Variants in PPP3CC observed in about 807,000 individuals in gnomAD.
The protein encoded by PPP3CC is serine/threonine-protein phosphatase 2B catalytic subunit gamma isoform.
PPP3CC carries 35 observed loss-of-function variants against 60.3 expected under a neutral mutation model. The ratio of observed to expected loss-of-function variants is 0.58; its 90% confidence interval spans 0.44 to 0.77. The LOEUF (loss-of-function observed/expected upper bound fraction) is 0.77. Ranked by LOEUF, PPP3CC falls within the 30% of genes least tolerant of loss-of-function variation. PPP3CC has a pLI of 0.00. For synonymous variants in PPP3CC, 206 were observed against 224.3 expected, an observed-to-expected ratio of 0.92 and a Z score of 0.73; for missense variants, 570 against 628.9, an observed-to-expected ratio of 0.91 and a Z score of 1.00.
intron 1 of PPP3CC, among the ~76,000 whole-genome samples, chr8:22,470,285 C>T (rs923683524): frequency 3.3e-5 from 5 of 151,882 alleles, no homozygotes; most frequent in African/African-American, 1.2e-4. Flanking sequence ...CGATGCCTGG[C>T]CCTGCAGTAT....
intron 8 of PPP3CC, among the ~76,000 whole-genome samples, chr8:22,525,518 CT>C: frequency 1.1e-5 from 1 of 91,546 alleles, no homozygotes; most frequent in African/African-American, 4.5e-5. Flanking sequence ...TTCTTTCTTT[CT>C]TTCTTTCTTT....
intron 12 of PPP3CC, among the ~76,000 whole-genome samples, chr8:22,534,521 G>A (rs758318971): frequency 1.6e-4 from 24 of 152,062 alleles, no homozygotes; most frequent in Non-Finnish European, 1.2e-4. Context: ...TGATTCAAGC[G>A]CTTTAGAAAA....
At chr8:22,479,807 C>T (rs371604054) in intron 3 of PPP3CC, among the ~76,000 whole-genome samples, 14 of 150,690 alleles carry the variant, frequency 9.3e-5, no homozygotes, top group Non-Finnish European at 1.5e-4. Flanking sequence ...ACAGACTGAG[C>T]GGGCTTTGGT....
chr8:22,510,520 T>C (rs1839055859), intron 4 of PPP3CC, among the ~76,000 whole-genome samples: 1 of 152,198 alleles, frequency 6.6e-6, no homozygotes, highest in African/African-American at 2.4e-5. Context: ...TTGTCATCCA[T>C]ATACTTAAAA....
At chr8:22,499,405 G>A (rs1252949948) in intron 4 of PPP3CC, among the ~76,000 whole-genome samples, 1 of 149,170 alleles carries the variant, frequency 6.7e-6, no homozygotes, top group Non-Finnish European at 1.5e-5. Flanking sequence ...CGCCACTGCA[G>A]TCCGCAGTCC....
intron 1 of PPP3CC, among the ~76,000 whole-genome samples, chr8:22,461,879 A>C (rs1050971772): frequency 6.6e-6 from 1 of 152,144 alleles, no homozygotes; most frequent in Non-Finnish European, 1.5e-5. Flanking sequence ...TAAGTCCCTG[A>C]GGATTTACTG....
intron 3 of PPP3CC, among the ~76,000 whole-genome samples, chr8:22,496,468 T>C (rs911276876): frequency 3.4e-5 from 5 of 148,842 alleles, no homozygotes; most frequent in African/African-American, 1.2e-4. Flanking sequence ...ATAAGTTAAA[T>C]TAGGGAGAAC....
intron 3 of PPP3CC, among the ~76,000 whole-genome samples, chr8:22,489,034 A>C (rs2132493522): frequency 6.6e-6 from 1 of 151,340 alleles, no homozygotes; most frequent in South Asian, 2.1e-4. Context: ...AAGTTATTGG[A>C]GGAATTTTTT....
chr8:22,485,717 A>G (rs1417416200), intron 3 of PPP3CC, among the ~76,000 whole-genome samples: 3 of 152,162 alleles, frequency 2.0e-5, no homozygotes, highest in African/African-American at 7.2e-5. Context: ...TGAAATTAAG[A>G]TGTTTTATTT....
At chr8:22,484,367 C>T (rs1309094216) in intron 3 of PPP3CC, among the ~76,000 whole-genome samples, 4 of 151,998 alleles carry the variant, frequency 2.6e-5, no homozygotes, top group Non-Finnish European at 5.9e-5. Context: ...AGCATATCTA[C>T]ACAGATATAC....
chr8:22,499,564 CTT>C (rs1476517524), intron 4 of PPP3CC, among the ~76,000 whole-genome samples: 1 of 152,204 alleles, frequency 6.6e-6, no homozygotes, highest in East Asian at 1.9e-4. Context: ...CTACACCAGC[CTT>C]GGCAATACAG....
chr8:22,458,666 C>A (rs1837278870), intron 1 of PPP3CC, among the ~76,000 whole-genome samples: 1 of 151,432 alleles, frequency 6.6e-6, no homozygotes, highest in Non-Finnish European at 1.5e-5. Context: ...ATATATATCA[C>A]TACTAGCTAG....
At chr8:22,486,854 C>T (rs967133650) in intron 3 of PPP3CC, among the ~76,000 whole-genome samples, 4 of 151,660 alleles carry the variant, frequency 2.6e-5, no homozygotes, top group South Asian at 2.1e-4. Flanking sequence ...CTCACCCTCC[C>T]GAGTAGCTGG....
At chr8:22,458,828 A>G (rs1297841152) in intron 1 of PPP3CC, among the ~76,000 whole-genome samples, 1 of 152,062 alleles carries the variant, frequency 6.6e-6, no homozygotes, top group Non-Finnish European at 1.5e-5. Context: ...GTGTTGGAGA[A>G]ACCAGAGGAG....
At chr8:22,466,536 A>G (rs1837527936) in intron 1 of PPP3CC, among the ~76,000 whole-genome samples, 1 of 152,136 alleles carries the variant, frequency 6.6e-6, no homozygotes, top group South Asian at 2.1e-4. Flanking sequence ...GTGAGATGGT[A>G]TCTTATTGTG....
At chr8:22,493,178 G>A in intron 3 of PPP3CC, 3 of 1,230,504 alleles carry the variant, frequency 2.4e-6, no homozygotes, top group Non-Finnish European at 3.5e-6. Context: ...TTTATATTAT[G>A]ACTGCTTTTT....
At chr8:22,484,415 G>A (rs745647714) in intron 3 of PPP3CC, among the ~76,000 whole-genome samples, 1 of 152,026 alleles carries the variant, frequency 6.6e-6, no homozygotes, top group African/African-American at 2.4e-5. Context: ...TTGTTTTAGA[G>A]TTTTGGTCAT....
intron 1 of PPP3CC, among the ~76,000 whole-genome samples, chr8:22,449,518 A>G (rs569738593): frequency 4.0e-5 from 6 of 151,814 alleles, no homozygotes; most frequent in South Asian, 2.1e-4. Flanking sequence ...AAAGGCTGTC[A>G]TCATATTTGA....
intron 3 of PPP3CC, among the ~76,000 whole-genome samples, chr8:22,480,873 C>T (rs1838042542): frequency 6.6e-6 from 1 of 152,132 alleles, no homozygotes. Flanking sequence ...AGATGGGAGG[C>T]TAACATGTGT....
Sources: gnomAD v4.1 joint callset for allele counts (sites outside exome capture counted in the v4.1 genomes callset) on GRCh38, gnomAD v4.1.1 for gene constraint, MANE v1.5 for transcripts, NCBI Gene and HGNC (gene_info 2026-07-23, HGNC 2026-07-21) for gene names.